The following BNC2 variants were observed in gnomAD, a reference collection of about 807,000 sequenced individuals.
BNC2 encodes basonuclin zinc finger protein 2.
A neutral mutation model predicts 76.3 loss-of-function variants in BNC2; 20 were observed. That is an observed-to-expected ratio of 0.26 (90% CI 0.18 to 0.38). BNC2 has a LOEUF of 0.38. Among genes scored for constraint, BNC2 ranks in the 10% least tolerant of loss-of-function variants. The pLI is 1.00. For missense variants in BNC2, 1,382 were observed against 1,399.8 expected (o/e 0.99, Z 0.20); for synonymous variants, 582 against 514.8 (o/e 1.13, Z -1.77).
chr9:16,512,703 G>C (rs548369657), intron 5 of BNC2, among the ~76,000 whole-genome samples: 1 of 152,118 alleles, frequency 6.6e-6, no homozygotes, highest in Non-Finnish European at 1.5e-5. Context: ...TAAAAAACTA[G>C]TAAGAATCTT....
At chr9:16,673,456 A>T (rs1202404584) in intron 3 of BNC2, among the ~76,000 whole-genome samples, 3 of 151,878 alleles carry the variant, frequency 2.0e-5, no homozygotes, top group Non-Finnish European at 4.4e-5. Flanking sequence ...ACACACACAC[A>T]CACACACATA....
At chr9:16,468,750 T>C (rs1042854634) in intron 5 of BNC2, among the ~76,000 whole-genome samples, 4 of 152,050 alleles carry the variant, frequency 2.6e-5, no homozygotes, top group African/African-American at 9.7e-5. Context: ...ACTATTATCA[T>C]CTCCAAGCTG....
At chr9:16,575,601 A>G (rs114651003) in intron 4 of BNC2, among the ~76,000 whole-genome samples, 2 of 152,176 alleles carry the variant, frequency 1.3e-5, no homozygotes, top group African/African-American at 4.8e-5. Flanking sequence ...TTAATCAAGC[A>G]CCAAACCTTT....
chr9:16,415,778 C>T lies in BNC2; in HGVS notation c.*3211G>A, dbSNP rs1169774007. ...TGCATGTACTACATCCATCCACTCC[C>T]CTGTCCCTTTTAAGCAAATAGGCTT... On this transcript the variant is annotated 3_prime_UTR_variant, in exon 7 of 7. Transcript: ENST00000380672. 1.3e-5 allele frequency: 2 copies of T among 152,166 alleles called. No individual in the cohort carries two copies. Among genetic ancestry groups the T allele is most frequent in the East Asian group, 3.8e-4 (2 of 5,198 alleles). 9.4% of individuals were successfully genotyped at this position (152,166 alleles called of 1,614,324 possible). A position where few individuals can be genotyped will look rare whatever the true frequency, so the allele number is the denominator to read the frequency against.
intron 3 of BNC2, among the ~76,000 whole-genome samples, chr9:16,717,235 AC>A: frequency 6.6e-6 from 1 of 152,296 alleles, no homozygotes; most frequent in East Asian, 1.9e-4. Flanking sequence ...TTATAGGATG[AC>A]CTGCATATAA....
intron 3 of BNC2, among the ~76,000 whole-genome samples, chr9:16,697,221 G>A (rs1198683790): frequency 3.3e-5 from 5 of 152,056 alleles, no homozygotes; most frequent in Non-Finnish European, 7.3e-5. Context: ...AGCTGGGCGT[G>A]GTGGCACGTG....
intron 4 of BNC2, 91 bp downstream of exon 4, chr9:16,582,892 G>GAAACACAC (rs1819664058): frequency 1.7e-6 from 1 of 599,784 alleles, no homozygotes; most frequent in Non-Finnish European, 2.9e-6. Flanking sequence ...CCTCTAAACA[G>GAAACACAC]ACACACACAC....
intron 3 of BNC2, among the ~76,000 whole-genome samples, chr9:16,669,394 C>T (rs1446283515): frequency 6.6e-6 from 1 of 152,136 alleles, no homozygotes; most frequent in Non-Finnish European, 1.5e-5. Flanking sequence ...TCCAACTATC[C>T]AACTCCCTCA....
At chr9:16,734,000 C>T (rs1291607254) in intron 2 of BNC2, among the ~76,000 whole-genome samples, 1 of 152,200 alleles carries the variant, frequency 6.6e-6, no homozygotes, top group Non-Finnish European at 1.5e-5. Flanking sequence ...CTTACAACAG[C>T]CAAGTGTTCC....
At chr9:16,824,646 TA>T (rs1818411430) in intron 1 of BNC2, among the ~76,000 whole-genome samples, 2 of 152,132 alleles carry the variant, frequency 1.3e-5, no homozygotes, top group South Asian at 4.2e-4. Context: ...TAGGCCCAGC[TA>T]ATGCCATGCC....
intron 3 of BNC2, among the ~76,000 whole-genome samples, chr9:16,719,706 A>C (rs1824092424): frequency 6.6e-6 from 1 of 152,228 alleles, no homozygotes; most frequent in African/African-American, 2.4e-5. Context: ...AAATTTATTA[A>C]ATACAAAACA....
rs1438839598 is a variant in BNC2, at chr9:16,727,785, AAAGT to A, written c.330+8_330+11del. 2.5e-6 allele frequency: 4 copies of A among 1,603,302 alleles called. No individual in the cohort carries two copies. Among genetic ancestry groups the A allele is most frequent in the African/African-American group, 2.7e-5 (2 of 74,274 alleles). On this transcript the variant is annotated splice_region_variant and intron_variant, in intron 3 of 6. Coordinates refer to ENST00000380672, the MANE Select transcript of BNC2 (RefSeq NM_017637.6). Reference sequence around the variant, plus strand: ...AAAAAGAAAAAAAAAATCAAGAAAGAAAGTAACTTACCTGTTGGGACATTCTGAA... The same window carrying A: ...AAAAAGAAAAAAAAAATCAAGAAAGAAACTTACCTGTTGGGACATTCTGAA...
intron 5 of BNC2, among the ~76,000 whole-genome samples, chr9:16,497,777 T>G (rs1587098006): frequency 1.3e-5 from 2 of 152,114 alleles, no homozygotes; most frequent in South Asian, 4.1e-4. Context: ...ATAAAGGACA[T>G]ACTATATACC....
At chr9:16,855,093 T>G (rs749250085) in intron 1 of BNC2, among the ~76,000 whole-genome samples, 13 of 151,878 alleles carry the variant, frequency 8.6e-5, no homozygotes, top group Non-Finnish European at 1.6e-4. Context: ...ACATGAGTAT[T>G]CCACCTCATA....
chr9:16,652,851 C>T (rs976032314), intron 3 of BNC2, among the ~76,000 whole-genome samples: 2 of 152,130 alleles, frequency 1.3e-5, no homozygotes, highest in African/African-American at 4.8e-5. Flanking sequence ...CAAAGAGTAA[C>T]TGAAACACCT....
intron 4 of BNC2, among the ~76,000 whole-genome samples, chr9:16,559,543 A>C (rs1474676308): frequency 6.6e-6 from 1 of 152,248 alleles, no homozygotes; most frequent in Non-Finnish European, 1.5e-5. Context: ...TTCTGTTTTC[A>C]CCACATGTTC....
intron 3 of BNC2, among the ~76,000 whole-genome samples, chr9:16,604,149 AC>A (rs1297990262): frequency 6.6e-6 from 1 of 152,168 alleles, no homozygotes; most frequent in Non-Finnish European, 1.5e-5. Context: ...ACTAACAACT[AC>A]CTGCTTAGTC....
At chr9:16,774,417 T>G (rs1021350797) in intron 1 of BNC2, among the ~76,000 whole-genome samples, 10 of 152,248 alleles carry the variant, frequency 6.6e-5, no homozygotes, top group African/African-American at 2.4e-4. Flanking sequence ...TTTAAAAATT[T>G]CTGTAACCAC....
intron 1 of BNC2, among the ~76,000 whole-genome samples, chr9:16,791,767 G>A (rs773759183): frequency 2.6e-5 from 4 of 152,148 alleles, no homozygotes; most frequent in African/African-American, 4.8e-5. Flanking sequence ...ACAGGGTGGC[G>A]TGAGGACCAA....
Sources: gnomAD v4.1 joint callset for allele counts (sites outside exome capture counted in the v4.1 genomes callset) on GRCh38, gnomAD v4.1.1 for gene constraint, MANE v1.5 for transcripts, NCBI Gene and HGNC (gene_info 2026-07-23, HGNC 2026-07-21) for gene names.